PDE7A: variants seen among roughly 807,000 people sequenced by gnomAD.
PDE7A encodes high affinity 3',5'-cyclic-AMP phosphodiesterase 7A.
Under a neutral mutation model 64.3 loss-of-function variants are expected in PDE7A, and 39 were observed. The observed-to-expected ratio is 0.61, with a 90% CI of 0.47 to 0.79. PDE7A has a LOEUF of 0.79. PDE7A is among the 30% of genes least tolerant of loss of function. The pLI is 0.00. For missense variants in PDE7A, 470 were observed against 582.8 expected (o/e 0.81, Z 1.99); for synonymous variants, 203 against 206.8 (o/e 0.98, Z 0.16).
intron 1 of PDE7A, among the ~76,000 whole-genome samples, chr8:65,832,495 T>C (rs1053766817): frequency 1.3e-5 from 2 of 152,228 alleles, no homozygotes; most frequent in African/African-American, 4.8e-5. Flanking sequence ...ACTAGCATTG[T>C]GTACATGTAA....
At chr8:65,769,147 C>T (rs1808947390) in intron 3 of PDE7A, among the ~76,000 whole-genome samples, 1 of 149,672 alleles carries the variant, frequency 6.7e-6, no homozygotes, top group Non-Finnish European at 1.5e-5. Context: ...ACTTGGGAGG[C>T]TGAGGCATGA....
chr8:65,743,369 G>C (rs1039441404), intron 5 of PDE7A, among the ~76,000 whole-genome samples: 2 of 152,134 alleles, frequency 1.3e-5, no homozygotes, highest in African/African-American at 4.8e-5. Context: ...GGGCCAAGGT[G>C]GGGGCAGGGA....
intron 1 of PDE7A, among the ~76,000 whole-genome samples, chr8:65,819,875 G>A (rs1810499990): frequency 6.6e-6 from 1 of 152,166 alleles, no homozygotes; most frequent in Non-Finnish European, 1.5e-5. Flanking sequence ...TGCAATGTGA[G>A]TAAAAGAAAT....
intron 1 of PDE7A, among the ~76,000 whole-genome samples, chr8:65,820,869 C>A (rs1172365103): frequency 6.6e-6 from 1 of 152,132 alleles, no homozygotes; most frequent in African/African-American, 2.4e-5. Flanking sequence ...GGATTACAGG[C>A]GTGAGCCACC....
chr8:65,800,587 C>T (rs1809962879), intron 1 of PDE7A, among the ~76,000 whole-genome samples: 1 of 152,162 alleles, frequency 6.6e-6, no homozygotes, highest in African/African-American at 2.4e-5. Flanking sequence ...GCAGTAAACA[C>T]CTATTGCTGT....
rs1394255283 is a variant in PDE7A at position 65,819,196 on chromosome 8, C to A, written c.138+22175G>T. The stretch of plus-strand genomic sequence containing the variant: ...AGGACTGGAGGCCAGGAGTTCAAGA[C>A]CAGCCTGGGCAACATAGTGAGACAC... On this transcript the variant is annotated intron_variant, in intron 1 of 12. Transcript: ENST00000401827. Among the ~76,000 whole-genome samples, 4 of 152,194 alleles carry A rather than the reference C, an allele frequency of 2.6e-5. No individual in the cohort carries two copies. In the South Asian group the frequency reaches 6.2e-4, roughly 24 times the overall value.
intron 9 of PDE7A, among the ~76,000 whole-genome samples, chr8:65,726,276 G>A (rs910837105): frequency 4.6e-5 from 7 of 152,216 alleles, no homozygotes; most frequent in South Asian, 2.1e-4. Flanking sequence ...CATCACCATC[G>A]TGTTAGCCTT....
At chr8:65,730,304 C>T (rs1001655318) in intron 7 of PDE7A, among the ~76,000 whole-genome samples, 2 of 150,724 alleles carry the variant, frequency 1.3e-5, no homozygotes, top group Non-Finnish European at 3.0e-5. Context: ...CCTCAGCCTC[C>T]CAAGTAGCTG....
At chr8:65,787,788 GA>G (rs113671790) in intron 1 of PDE7A, among the ~76,000 whole-genome samples, 2,557 of 127,660 alleles carry the variant, frequency 0.02, 29 homozygotes, top group East Asian at 0.029. Context: ...ACAGGGGGGG[GA>G]AAAAAAAAAA....
chr8:65,766,193 G>A (rs1192268944), intron 3 of PDE7A, among the ~76,000 whole-genome samples: 2 of 152,156 alleles, frequency 1.3e-5, no homozygotes, highest in Admixed American at 6.5e-5. Flanking sequence ...TGATCCACCC[G>A]CCTTGGCCTC....
rs1236359120 is a variant in PDE7A at position 65,835,839 on chromosome 8, A to G, written c.138+5532T>C. On this transcript the variant is annotated intron_variant, in intron 1 of 12. Transcript: ENST00000401827. ...AGTAAAATCTCGGCATATAAATCAC[A>G]TCTCCTAGACTGAATGTGTTCCTGA... is the stretch of plus-strand genomic sequence containing the variant. Among the ~76,000 whole-genome samples the G allele has an allele frequency of 3.3e-5, 5 of 152,296 alleles. No individual in the cohort carries two copies. The East Asian group carries it at 9.6e-4, about 29-fold the overall frequency.
rs77616461 is a variant in PDE7A, at chr8:65,839,493, T to C, written c.138+1878A>G. Among the ~76,000 whole-genome samples the C allele has an allele frequency of 8.3e-3, 1,266 of 152,086 alleles. 12 individuals carry two copies. The highest frequency in any genetic ancestry group is 0.014 in the Non-Finnish European group (947 of 67,962). On this transcript the variant is annotated intron_variant, in intron 1 of 12. Coordinates refer to ENST00000401827, the MANE Select transcript of PDE7A (RefSeq NM_001242318.3). ...TAAATGATATGCAAAGTCTTGATAA[T>C]GATAAGTATGTCCATCTCTGCATCC... is the stretch of plus-strand genomic sequence containing the variant.
chr8:65,792,616 A>T (rs546125529), intron 1 of PDE7A, among the ~76,000 whole-genome samples: 6 of 152,224 alleles, frequency 3.9e-5, no homozygotes, highest in Non-Finnish European at 8.8e-5. Context: ...TCTTTATACA[A>T]ATGTAGTGTC....
At chr8:65,760,363 CTG>C (rs1205947743) in intron 3 of PDE7A, among the ~76,000 whole-genome samples, 3 of 152,178 alleles carry the variant, frequency 2.0e-5, no homozygotes, top group Non-Finnish European at 4.4e-5. Flanking sequence ...TGCTATAAAA[CTG>C]TTTCAAACTT....
chr8:65,806,556 AACTTGGTGGG>A (rs1253587151), intron 1 of PDE7A, among the ~76,000 whole-genome samples: 84 of 152,380 alleles, frequency 5.5e-4, no homozygotes, highest in African/African-American at 1.9e-3. Flanking sequence ...TTAGAATTTT[AACTTGGTGGG>A]ACTCCTACCA....
rs1402570841 is a variant in PDE7A at position 65,715,436 on chromosome 8, A to G, written c.*3854T>C. On this transcript the variant is annotated 3_prime_UTR_variant, in exon 13 of 13. Transcript: ENST00000401827. The stretch of plus-strand genomic sequence containing the variant: ...TCTGTCACCTAGGCTGGAGTGCAGT[A>G]GCACAATCTCTGCTCCTTGCAACCT... Among the ~76,000 whole-genome samples, 3 of 149,480 alleles carry G rather than the reference A, an allele frequency of 2.0e-5. No individual in the cohort carries two copies. The highest frequency in any genetic ancestry group is 4.4e-5 in the Non-Finnish European group (3 of 67,554).
In PDE7A at chr8:65,726,883, TA is replaced by T; in HGVS notation, c.911del (p.Leu304Ter). 6.3e-7 allele frequency: 1 copy of T among 1,579,698 alleles called. No homozygotes were observed. Among genetic ancestry groups the T allele is most frequent in the Non-Finnish European group, 8.7e-7 (1 of 1,150,640 alleles). On this transcript the variant is annotated frameshift_variant, in exon 9 of 13. Coordinates refer to ENST00000401827, the MANE Select transcript of PDE7A (RefSeq NM_001242318.3). LOFTEE classifies it high-confidence loss of function. The stretch of plus-strand genomic sequence containing the variant: ...GTCTTAATCCAACCTACCTGCTTTC[TA>T]ATGGCAGATGTGAGAATAAGCCTGA... The part of the protein sequence containing the change: ...RESGLFSHLP[L>X]ESRQQMETQI...
intron 1 of PDE7A, chr8:65,788,998 ACTT>A: frequency 6.3e-7 from 1 of 1,597,920 alleles, no homozygotes; most frequent in South Asian, 1.1e-5. Flanking sequence ...AGCAAGGAAA[ACTT>A]CTTAGGAGTC....
At chr8:65,780,462 G>A (rs892646036) in intron 2 of PDE7A, among the ~76,000 whole-genome samples, 1 of 152,174 alleles carries the variant, frequency 6.6e-6, no homozygotes, top group Non-Finnish European at 1.5e-5. Flanking sequence ...TGGAAGCTCA[G>A]TGTCGTTCCT....
Sources: allele counts gnomAD v4.1 joint callset (sites outside exome capture counted in the v4.1 genomes callset), GRCh38; gene constraint gnomAD v4.1.1; transcripts MANE v1.5; gene names NCBI Gene and HGNC (gene_info 2026-07-23, HGNC 2026-07-21).